Variants in ABCC11 observed in about 807,000 individuals in gnomAD.
The protein encoded by ABCC11 is ATP binding cassette subfamily C member 11, also known as ATP-binding cassette sub-family C member 11.
Under a neutral mutation model 149.3 loss-of-function variants are expected in ABCC11, and 135 were observed. The ratio of observed to expected loss-of-function variants is 0.90; its 90% CI spans 0.79 to 1.04. The LOEUF (loss-of-function observed/expected upper bound fraction) is 1.04. ABCC11 is among the 50% of genes least tolerant of loss of function. ABCC11 has a pLI of 0.00. For missense variants in ABCC11, 1,680 were observed against 1,722.1 expected, an observed-to-expected ratio of 0.98 and a Z score of 0.43; for synonymous variants, 665 against 671.4, an observed-to-expected ratio of 0.99 and a Z score of 0.15.
intron 5 of ABCC11, 128 bp downstream of exon 5, chr16:48,224,149 CTTCAT>C (rs1248166863): frequency 1.0e-5 from 13 of 1,248,340 alleles, no homozygotes; most frequent in Middle Eastern, 2.8e-4. Context: ...CTCAAAAGGT[CTTCAT>C]TTTCTAGACA....
downstream of ABCC11, chr16:48,165,104 CCA>C (rs1346272517): frequency 4.6e-5 from 7 of 152,038 alleles, no homozygotes; most frequent in Non-Finnish European, 1.0e-4. Flanking sequence ...CTGGGGAGGG[CCA>C]GTGTGTAGAG....
chr16:48,219,170 T>A (rs1321032136), intron 6 of ABCC11, among the ~76,000 whole-genome samples: 1 of 69,962 alleles, frequency 1.4e-5, no homozygotes, highest in Admixed American at 1.5e-4. Context: ...TGGTTTTGGG[T>A]TTTTTTTTTT....
chr16:48,232,182 A>G lies in ABCC11; in HGVS notation c.-18-243T>C, dbSNP rs994345095. The G allele has an allele frequency of 2.7e-5, 20 of 730,066 alleles. No homozygotes were observed. In the African/African-American group the frequency reaches 4.2e-4, roughly 15 times the overall value. 45.2% of individuals were successfully genotyped at this position (730,066 alleles called of 1,614,324 possible). On this transcript the variant is annotated intron_variant, in intron 1 of 29. Coordinates refer to ENST00000356608, the MANE Select transcript of ABCC11 (RefSeq NM_001370497.1). ...CTTCTCTAACCACCCTCCCCAACCC[A>G]CCCCCAACACCGCACCCTTGATCCT...
chr16:48,200,797 TAGAA>T (rs1567513432), intron 14 of ABCC11, among the ~76,000 whole-genome samples: 1 of 152,152 alleles, frequency 6.6e-6, no homozygotes, highest in East Asian at 1.9e-4. Context: ...TCAAGTTAGA[TAGAA>T]AGAATAAGTT....
At chr16:48,244,665 C>T (rs1034020216) in intron 1 of ABCC11, 4 of 1,280,368 alleles carry the variant, frequency 3.1e-6, no homozygotes, top group East Asian at 3.1e-5. Flanking sequence ...GGCGCGGCCT[C>T]CTCCGGGGAC....
At chr16:48,229,282 G>A (rs1382034142) in intron 3 of ABCC11, among the ~76,000 whole-genome samples, 1 of 151,970 alleles carries the variant, frequency 6.6e-6, no homozygotes, top group Non-Finnish European at 1.5e-5. Flanking sequence ...AAGTACCAAG[G>A]TTCTTTGTTC....
intron 1 of ABCC11, chr16:48,244,295 G>C (rs1452782679): frequency 6.8e-6 from 6 of 881,260 alleles, no homozygotes; most frequent in Non-Finnish European, 9.8e-6. Flanking sequence ...CGGAGGCGTG[G>C]AGGCGGGTCT....
At chr16:48,174,495 A>G (rs542380579) in intron 26 of ABCC11, among the ~76,000 whole-genome samples, 2 of 152,330 alleles carry the variant, frequency 1.3e-5, no homozygotes, top group South Asian at 4.1e-4. Context: ...GTGCATTGTC[A>G]GTAGGAGCCT....
At chr16:48,226,868 A>G (rs1379189694) in intron 4 of ABCC11, among the ~76,000 whole-genome samples, 4 of 152,100 alleles carry the variant, frequency 2.6e-5, no homozygotes, top group Admixed American at 6.6e-5. Context: ...AATGCTCTTT[A>G]TGGGGAGGCT....
At chr16:48,199,431 G>A (rs189736598) in intron 15 of ABCC11, among the ~76,000 whole-genome samples, 7 of 151,906 alleles carry the variant, frequency 4.6e-5, no homozygotes, top group East Asian at 1.9e-4. Flanking sequence ...AATAAGGGGC[G>A]AGAGAAAAAG....
intron 20 of ABCC11, among the ~76,000 whole-genome samples, chr16:48,191,593 C>T (rs1030175357): frequency 3.3e-5 from 5 of 152,218 alleles, no homozygotes; most frequent in Non-Finnish European, 4.4e-5. Flanking sequence ...ATAAAGTTGG[C>T]TTGGTTTCAA....
chr16:48,202,767 C>G (rs1596752518), intron 14 of ABCC11, among the ~76,000 whole-genome samples: 1 of 152,076 alleles, frequency 6.6e-6, no homozygotes, highest in Non-Finnish European at 1.5e-5. Flanking sequence ...ATTATTAGAC[C>G]ATTAATATCA....
intron 6 of ABCC11, among the ~76,000 whole-genome samples, chr16:48,217,266 T>C (rs1267642668): frequency 1.3e-5 from 2 of 152,106 alleles, no homozygotes; most frequent in African/African-American, 2.4e-5. Context: ...TTTTTCTTTT[T>C]TGTTATAGAT....
chr16:48,200,816 T>C (rs367602621), intron 14 of ABCC11, among the ~76,000 whole-genome samples: 7 of 152,324 alleles, frequency 4.6e-5, no homozygotes, highest in South Asian at 2.1e-4. Flanking sequence ...TAAGTTCTAA[T>C]GTTTGATAGC....
At chr16:48,200,030 A>G (rs1967809215) in intron 15 of ABCC11, among the ~76,000 whole-genome samples, 1 of 152,176 alleles carries the variant, frequency 6.6e-6, no homozygotes, top group South Asian at 2.1e-4. Context: ...AATTTTGAAG[A>G]TAAAGGAGAC....
At chr16:48,199,168 T>C (rs555215140) in intron 15 of ABCC11, among the ~76,000 whole-genome samples, 1 of 151,456 alleles carries the variant, frequency 6.6e-6, no homozygotes, top group South Asian at 2.1e-4. Context: ...TTCTATAAAG[T>C]TTAAAAATAT....
chr16:48,194,105 A>G (rs1967174721), intron 18 of ABCC11, 123 bp from the exon 19 acceptor site: 2 of 660,538 alleles, frequency 3.0e-6, no homozygotes, highest in South Asian at 1.8e-5. Flanking sequence ...CCCAATGTGG[A>G]CACCTTGGAG....
chr16:48,175,184 T>C, intron 26 of ABCC11, 74 bp downstream of exon 26: 1 of 1,542,014 alleles, frequency 6.5e-7, no homozygotes, highest in Non-Finnish European at 8.8e-7. Context: ...ACCAGCTCAC[T>C]ATAGGCAGCC....
At position 48,187,290 on chromosome 16, in the gene ABCC11, C is replaced by T. The variant is rs763067200; in HGVS notation, c.2844G>A (p.Val948=). The change falls in exon 21 of 30, where the codon GTG becomes GTA. Residue 948 remains valine, a synonymous_variant. Coordinates refer to ENST00000356608, the MANE Select transcript of ABCC11 (RefSeq NM_001370497.1). ...CACTGACAATCAACAGGACGGCGAT[C>T]ACCATTAAGGACAGGACCAGGAACT... ...SEQFLVLSLM[V]IAVLLIVSVL... 1 of 1,614,176 alleles carries T rather than the reference C, an allele frequency of 6.2e-7. No individual in the cohort carries two copies. The highest frequency in any genetic ancestry group is 8.5e-7 in the Non-Finnish European group (1 of 1,180,050).
Sources: gnomAD v4.1 joint callset for allele counts (sites outside exome capture counted in the v4.1 genomes callset) on GRCh38, gnomAD v4.1.1 for gene constraint, MANE v1.5 for transcripts, NCBI Gene and HGNC (gene_info 2026-07-23, HGNC 2026-07-21) for gene names.